Variants in AIG1 observed in about 807,000 individuals in gnomAD.
AIG1 encodes the protein androgen induced 1.
AIG1 carries 23 observed loss-of-function variants against 31.4 expected under a neutral mutation model. The observed-to-expected ratio is 0.73, with a 90% confidence interval of 0.53 to 1.04. The LOEUF is 1.04. Among genes scored for constraint, AIG1 ranks in the 50% least tolerant of loss-of-function variants. The probability of loss-of-function intolerance (pLI) is 0.00; values close to 1 mark genes in which losing one functional copy is unlikely to be tolerated. For synonymous variants in AIG1, 100 were observed against 110.5 expected (o/e 0.90, Z 0.60); for missense variants, 274 against 295.0 (o/e 0.93, Z 0.52).
chr6:143,240,202 G>T, intron 3 of AIG1, among the ~76,000 whole-genome samples: 1 of 152,186 alleles, frequency 6.6e-6, no homozygotes, highest in East Asian at 1.9e-4. Flanking sequence ...CTCATCTACA[G>T]AATAGGAATG....
intron 1 of AIG1, among the ~76,000 whole-genome samples, chr6:143,129,210 G>A (rs1229122533): frequency 2.6e-5 from 4 of 152,180 alleles, no homozygotes; most frequent in Non-Finnish European, 5.9e-5. Flanking sequence ...CGAATGGCAT[G>A]AACCTGGGAG....
chr6:143,085,526 G>C (rs1778686408), intron 1 of AIG1, among the ~76,000 whole-genome samples: 1 of 152,128 alleles, frequency 6.6e-6, no homozygotes, highest in African/African-American at 2.4e-5. Context: ...CCTAGAGCTG[G>C]GCTGGGTTCC....
downstream of AIG1, chr6:143,343,397 C>T (rs1486881618): frequency 5.4e-6 from 3 of 554,132 alleles, no homozygotes; most frequent in African/African-American, 5.7e-5. Flanking sequence ...TGGGATTGCA[C>T]AGTACCGGTG....
chr6:143,278,178 C>T (rs1300707987), intron 3 of AIG1, among the ~76,000 whole-genome samples: 2 of 152,290 alleles, frequency 1.3e-5, no homozygotes, highest in Non-Finnish European at 2.9e-5. Flanking sequence ...ACCTCCAACT[C>T]ATCCATCTTT....
intron 3 of AIG1, among the ~76,000 whole-genome samples, chr6:143,215,628 T>C (rs926706255): frequency 2.6e-5 from 4 of 152,096 alleles, no homozygotes; most frequent in African/African-American, 9.7e-5. Context: ...TTGAGATATT[T>C]AGATATGGCT....
In AIG1 at chr6:143,297,508, G is replaced by T. The variant is rs201202441; in HGVS notation, c.515+13283G>T. ...TGGTTTCTTGGGTGGTTGGATGGAT[G>T]GTTGGGTGGTTGGATGGATGGTTGG... On this transcript the variant is annotated intron_variant, in intron 4 of 5. Coordinates refer to ENST00000357847, the MANE Select transcript of AIG1 (RefSeq NM_016108.4). This position sits in a 1 kb window ranked among gnomAD's most constrained non-coding sequence, Gnocchi z 5.1. Among the ~76,000 whole-genome samples, 698 of 48,040 alleles carry T rather than the reference G, an allele frequency of 0.015. 3 individuals are homozygous for T. Among genetic ancestry groups the T allele is most frequent in the African/African-American group, 0.044 (667 of 15,320 alleles). 31.5% of individuals were successfully genotyped at this position (48,040 alleles called of 152,430 possible).
chr6:143,188,557 A>G, intron 3 of AIG1: 3 of 985,378 alleles, frequency 3.0e-6, no homozygotes, highest in Middle Eastern at 5.2e-4. Flanking sequence ...GGGGCAGTCA[A>G]GGTGGGACAG....
At chr6:143,062,811 G>A (rs956942148) in intron 1 of AIG1, among the ~76,000 whole-genome samples, 1 of 152,120 alleles carries the variant, frequency 6.6e-6, no homozygotes, top group African/African-American at 2.4e-5. Flanking sequence ...TCTTTGAGGG[G>A]CTATGTGAGC....
intron 1 of AIG1, among the ~76,000 whole-genome samples, chr6:143,067,691 T>C (rs1776839736): frequency 6.6e-6 from 1 of 152,238 alleles, no homozygotes; most frequent in Non-Finnish European, 1.5e-5. Flanking sequence ...TGAGAAGAGA[T>C]TCTGCATGTC....
At chr6:143,342,748 G>A, downstream of AIG1, 1 of 848,688 alleles carries the variant, frequency 1.2e-6, no homozygotes, top group Non-Finnish European at 2.1e-6. Flanking sequence ...ATGGCCAGCG[G>A]ACTCAGGTAT....
intron 1 of AIG1, among the ~76,000 whole-genome samples, chr6:143,119,923 A>G (rs1400791309): frequency 2.6e-5 from 4 of 152,046 alleles, no homozygotes; most frequent in Admixed American, 6.6e-5. Context: ...TAATATTAAT[A>G]TGTCCTTTTT....
chr6:143,065,609 G>A (rs1776624908), intron 1 of AIG1, among the ~76,000 whole-genome samples: 1 of 152,214 alleles, frequency 6.6e-6, no homozygotes, highest in Non-Finnish European at 1.5e-5. Flanking sequence ...AGGTCTTAAA[G>A]TAGTATTTGG....
At chr6:143,064,095 T>C (rs1005794699) in intron 1 of AIG1, among the ~76,000 whole-genome samples, 2 of 152,180 alleles carry the variant, frequency 1.3e-5, no homozygotes, top group Admixed American at 6.6e-5. Flanking sequence ...GGCAGAATAA[T>C]GGGCCTCCAA....
At chr6:143,266,043 G>C (rs971390920) in intron 3 of AIG1, among the ~76,000 whole-genome samples, 1 of 152,138 alleles carries the variant, frequency 6.6e-6, no homozygotes, top group Non-Finnish European at 1.5e-5. Flanking sequence ...TGATTTGAAG[G>C]GCAATAAGAA....
intron 3 of AIG1, chr6:143,189,505 G>A (rs950868945): frequency 1.0e-6 from 1 of 985,236 alleles, no homozygotes; most frequent in African/African-American, 1.7e-5. Context: ...AGGTTTTGCT[G>A]AGTGTCATAT....
At chr6:143,230,093 C>G (rs921866274) in intron 3 of AIG1, among the ~76,000 whole-genome samples, 1 of 152,056 alleles carries the variant, frequency 6.6e-6, no homozygotes, top group Non-Finnish European at 1.5e-5. Context: ...AATAGCAACC[C>G]GATTAGGTTT....
chr6:143,101,243 C>CAGTG (rs1780251281), intron 1 of AIG1, among the ~76,000 whole-genome samples: 1 of 152,006 alleles, frequency 6.6e-6, no homozygotes, highest in Admixed American at 6.6e-5. Context: ...ATCTCGGAGA[C>CAGTG]CACTGAGACC....
chr6:143,100,690 CT>C (rs35504854), intron 1 of AIG1, among the ~76,000 whole-genome samples: 14,424 of 145,146 alleles, frequency 0.099, 1,095 homozygotes, highest in East Asian at 0.37. Context: ...AGTTTATTCT[CT>C]TTTTTTTTTT....
At chr6:143,277,682 G>T (rs573303277) in intron 3 of AIG1, among the ~76,000 whole-genome samples, 2 of 152,282 alleles carry the variant, frequency 1.3e-5, no homozygotes, top group East Asian at 3.9e-4. Flanking sequence ...GGGATTGCCA[G>T]GTCTCTTATG....
Sources: allele counts gnomAD v4.1 joint callset (sites outside exome capture counted in the v4.1 genomes callset), GRCh38; gene constraint gnomAD v4.1.1; non-coding constraint Gnocchi (gnomAD v3.1); transcripts MANE v1.5; gene names NCBI Gene and HGNC (gene_info 2026-07-23, HGNC 2026-07-21).